Variants in TEAD1 observed in about 807,000 individuals in gnomAD.
The protein encoded by TEAD1 is transcriptional enhancer factor TEF-1.
In TEAD1, 9 loss-of-function variants were observed where a neutral mutation model predicts 54.9. That is an observed-to-expected ratio of 0.16 (90% confidence interval 0.10 to 0.29). The LOEUF (loss-of-function observed/expected upper bound fraction) is 0.29. Among genes scored for constraint, TEAD1 ranks in the 10% least tolerant of loss-of-function variants. The probability of loss-of-function intolerance (pLI) is 1.00; values close to 1 mark genes in which losing one functional copy is unlikely to be tolerated. For synonymous variants in TEAD1, 200 were observed against 187.8 expected (o/e 1.07, Z -0.53); for missense variants, 387 against 535.9 (o/e 0.72, Z 2.74).
intron 3 of TEAD1, among the ~76,000 whole-genome samples, chr11:12,824,225 G>C (rs1182568468): frequency 1.3e-5 from 2 of 152,112 alleles, no homozygotes; most frequent in Admixed American, 1.3e-4. Flanking sequence ...TAGTATAATG[G>C]AATATATGAA....
rs999913981 is a variant in TEAD1 at position 12,942,766 on chromosome 11, G to T, written c.*5544G>T. 13 of 152,180 alleles carry T rather than the reference G, an allele frequency of 8.5e-5. No homozygotes were observed. The highest frequency in any genetic ancestry group is 3.3e-4 in the Admixed American group (5 of 15,276). 9.4% of individuals were successfully genotyped at this position (152,180 alleles called of 1,614,324 possible). On this transcript the variant is annotated 3_prime_UTR_variant, in exon 13 of 13. Coordinates refer to ENST00000527636, the MANE Select transcript of TEAD1 (RefSeq NM_021961.6). ...TTAAAATTGAAGTGTTCTTCTTAGG[G>T]CAAACATGTTGACTCCGAGTATTGT...
At chr11:12,712,890 A>C (rs1943973811) in intron 2 of TEAD1, among the ~76,000 whole-genome samples, 1 of 152,178 alleles carries the variant, frequency 6.6e-6, no homozygotes, top group Non-Finnish European at 1.5e-5. Context: ...TGAATTGATA[A>C]AGAAGAGGCA....
Position 12,940,022 on chromosome 11 carries a change from C to T in TEAD1, c.*2800C>T, listed in dbSNP as rs1949145464. Reference sequence around the variant, plus strand: ...AGGTGCTCTATCCCCTCGAGACCCTCTGGTGCCAGGCTTGCTTCACGGCCA... The same window carrying T: ...AGGTGCTCTATCCCCTCGAGACCCTTTGGTGCCAGGCTTGCTTCACGGCCA... On this transcript the variant is annotated 3_prime_UTR_variant, in exon 13 of 13. Coordinates refer to ENST00000527636, the MANE Select transcript of TEAD1 (RefSeq NM_021961.6). The T allele has an allele frequency of 6.6e-6, 1 of 152,290 alleles. No homozygotes were observed. The highest frequency in any genetic ancestry group is 1.5e-5 in the Non-Finnish European group (1 of 68,088). The allele number at this position is 152,290 out of a possible 1,614,324, so 9.4% of individuals were successfully genotyped here. A position where few individuals can be genotyped will look rare whatever the true frequency, so the allele number is the denominator to read the frequency against.
At chr11:12,892,059 C>G (rs374406499) in intron 9 of TEAD1, among the ~76,000 whole-genome samples, 2 of 152,332 alleles carry the variant, frequency 1.3e-5, no homozygotes, top group South Asian at 4.1e-4. Flanking sequence ...TGGTTGAGCC[C>G]GCATGGAAGG....
chr11:12,800,926 G>A lies in TEAD1; in HGVS notation c.202+36492G>A, dbSNP rs560304237. On this transcript the variant is annotated intron_variant, in intron 3 of 12. Transcript: ENST00000527636. ...TTGGTTGCATCTTTGTGTTCTCAGT[G>A]TCAGCACCATGCCTGGCACAGAATT... Among the ~76,000 whole-genome samples, 6 of 152,326 alleles carry A rather than the reference G, an allele frequency of 3.9e-5. No individual in the cohort carries two copies. In the East Asian group the frequency reaches 1.2e-3, roughly 29 times the overall value.
Position 12,942,976 on chromosome 11 carries a change from C to G in TEAD1, c.*5754C>G, listed in dbSNP as rs1470776921. ...GTGAAAAGGACAAGAAGGCCAAACA[C>G]CAGCCAAAAAGAAACTAGGAAAAAA... On this transcript the variant is annotated 3_prime_UTR_variant, in exon 13 of 13. Transcript: ENST00000527636. 6.6e-6 allele frequency: 1 copy of G among 152,120 alleles called. No homozygotes were observed. The highest frequency in any genetic ancestry group is 6.6e-5 in the Admixed American group (1 of 15,258). The allele number at this position is 152,120 out of a possible 1,614,324, so 9.4% of individuals were successfully genotyped here. A position where few individuals can be genotyped will look rare whatever the true frequency, so the allele number is the denominator to read the frequency against.
chr11:12,791,913 A>G (rs1181991978), intron 3 of TEAD1, among the ~76,000 whole-genome samples: 1 of 152,216 alleles, frequency 6.6e-6, no homozygotes, highest in Non-Finnish European at 1.5e-5. Flanking sequence ...AAAACATCTA[A>G]ATGCACCATA....
At chr11:12,775,003 T>C (rs1301446282) in intron 3 of TEAD1, among the ~76,000 whole-genome samples, 2 of 152,124 alleles carry the variant, frequency 1.3e-5, no homozygotes, top group African/African-American at 4.8e-5. Context: ...AACCTGCACA[T>C]GTACCCCTGA....
intron 2 of TEAD1, among the ~76,000 whole-genome samples, chr11:12,691,610 T>G (rs1401364711): frequency 6.6e-6 from 1 of 152,176 alleles, no homozygotes; most frequent in Non-Finnish European, 1.5e-5. Flanking sequence ...TTTCCTCCCT[T>G]AAGAAAAAGA....
intron 3 of TEAD1, among the ~76,000 whole-genome samples, chr11:12,793,322 C>T (rs943354741): frequency 1.3e-5 from 2 of 152,048 alleles, no homozygotes; most frequent in Admixed American, 6.6e-5. Flanking sequence ...GATAATATTT[C>T]CAAATACCAA....
chr11:12,709,726 T>G (rs1263334252), intron 2 of TEAD1, among the ~76,000 whole-genome samples: 2 of 152,144 alleles, frequency 1.3e-5, no homozygotes, highest in Non-Finnish European at 2.9e-5. Flanking sequence ...TCTTGCTCTG[T>G]TGCCCGGGGT....
At chr11:12,720,441 G>T (rs1427202653) in intron 2 of TEAD1, among the ~76,000 whole-genome samples, 3 of 152,152 alleles carry the variant, frequency 2.0e-5, no homozygotes, top group African/African-American at 7.2e-5. Context: ...TGCTGCAACA[G>T]ATATCATTTA....
chr11:12,814,312 T>A (rs763697718), intron 3 of TEAD1, among the ~76,000 whole-genome samples: 5 of 152,212 alleles, frequency 3.3e-5, no homozygotes, highest in Admixed American at 6.5e-5. Context: ...GGGTGCTGCT[T>A]CCACTCTGGC....
intron 3 of TEAD1, among the ~76,000 whole-genome samples, chr11:12,786,917 G>A (rs1945688725): frequency 6.6e-6 from 1 of 152,190 alleles, no homozygotes; most frequent in Admixed American, 6.5e-5. Context: ...CTTCTAGGCA[G>A]AGAGCACCAC....
intron 9 of TEAD1, among the ~76,000 whole-genome samples, chr11:12,884,866 C>T (rs542009716): frequency 1.3e-5 from 2 of 152,298 alleles, no homozygotes; most frequent in South Asian, 4.1e-4. Context: ...CTGAAAGATG[C>T]CCTGCGTGAC....
Position 12,941,172 on chromosome 11 carries a change from C to A in TEAD1, c.*3950C>A, listed in dbSNP as rs117081267. 6.6e-6 allele frequency: 1 copy of A among 152,196 alleles called. No homozygotes were observed. The highest frequency in any genetic ancestry group is 1.5e-5 in the Non-Finnish European group (1 of 68,054). The allele number at this position is 152,196 out of a possible 1,614,324, so 9.4% of individuals were successfully genotyped here. A position where few individuals can be genotyped will look rare whatever the true frequency, so the allele number is the denominator to read the frequency against. ...TAGAAGAGATGGGGAGATTCAGGAT[C>A]CCCCTGTGCCAGAGCACAGCCTCAC... On this transcript the variant is annotated 3_prime_UTR_variant, in exon 13 of 13. Transcript: ENST00000527636.
At chr11:12,758,233 G>T (rs71481072) in intron 2 of TEAD1, among the ~76,000 whole-genome samples, 11,405 of 138,908 alleles carry the variant, frequency 0.082, 513 homozygotes, top group Non-Finnish European at 0.095. Flanking sequence ...TTTTTGTTTT[G>T]TTTTTTTTTT....
chr11:12,719,974 TTTTTTTTTTTTTTTTTTTTTG>T lies in TEAD1; in HGVS notation c.-54-44204_-54-44184del, dbSNP rs1564917641. Among the ~76,000 whole-genome samples the T allele has an allele frequency of 9.4e-3, 630 of 67,354 alleles. 39 individuals carry two copies. The highest frequency in any genetic ancestry group is 0.012 in the Admixed American group (86 of 7,096). 44.2% of individuals were successfully genotyped at this position (67,354 alleles called of 152,430 possible). A position where few individuals can be genotyped will look rare whatever the true frequency, so the allele number is the denominator to read the frequency against. ...GTTTTTTTTTTTTTTTTTTTTTTTT[TTTTTTTTTTTTTTTTTTTTTG>T]GGGGGGGACCCAGCCATGCTGTGTC... On this transcript the variant is annotated intron_variant, in intron 2 of 12. Coordinates refer to ENST00000527636, the MANE Select transcript of TEAD1 (RefSeq NM_021961.6).
At chr11:12,928,363 C>T (rs1357580070) in intron 11 of TEAD1, among the ~76,000 whole-genome samples, 1 of 151,730 alleles carries the variant, frequency 6.6e-6, no homozygotes, top group Non-Finnish European at 1.5e-5. Context: ...TCACTGCAGC[C>T]TCAGCCTCAC....
Sources: allele counts gnomAD v4.1 joint callset (sites outside exome capture counted in the v4.1 genomes callset), GRCh38; gene constraint gnomAD v4.1.1; transcripts MANE v1.5; gene names NCBI Gene and HGNC (gene_info 2026-07-23, HGNC 2026-07-21).